Variants in SCARB2 observed in about 807,000 individuals in gnomAD.
The protein encoded by SCARB2 is lysosome membrane protein 2.
A neutral mutation model predicts 58.6 loss-of-function variants in SCARB2; 29 were observed. The ratio of observed to expected loss-of-function variants is 0.49; its 90% CI spans 0.37 to 0.67. SCARB2 has a LOEUF of 0.67. Ranked by LOEUF, SCARB2 falls within the 30% of genes least tolerant of loss-of-function variation. The pLI is 0.00. For synonymous variants in SCARB2, 195 were observed against 210.1 expected, an observed-to-expected ratio of 0.93 and a Z score of 0.62; for missense variants, 488 against 578.5, an observed-to-expected ratio of 0.84 and a Z score of 1.60.
At chr4:76,220,898 AG>A (rs1250518986) in intron 1 of SCARB2, among the ~76,000 whole-genome samples, 1 of 152,190 alleles carries the variant, frequency 6.6e-6, no homozygotes, top group Non-Finnish European at 1.5e-5. Context: ...CTGGGACCAC[AG>A]GGGTTTCTTC....
chr4:76,178,287 A>T (rs774846830), intron 4 of SCARB2, among the ~76,000 whole-genome samples: 37 of 152,236 alleles, frequency 2.4e-4, no homozygotes, highest in Non-Finnish European at 4.0e-4. Flanking sequence ...TAATAATAGG[A>T]GTGAACAATT....
chr4:76,226,148 G>A (rs1018518011), intron 1 of SCARB2, among the ~76,000 whole-genome samples: 5 of 152,128 alleles, frequency 3.3e-5, no homozygotes, highest in Non-Finnish European at 5.9e-5. Context: ...GAGTACATAC[G>A]GTGGGTCCAG....
chr4:76,213,656 C>G lies in SCARB2; in HGVS notation c.-113G>C. 1 of 795,870 alleles carries G rather than the reference C, an allele frequency of 1.3e-6. No homozygotes were observed. The highest frequency in any genetic ancestry group is 2.1e-6 in the Non-Finnish European group (1 of 485,298). 49.3% of individuals were successfully genotyped at this position (795,870 alleles called of 1,614,324 possible). ...ACCCGGGACCCTTCGGCGCCACGCC[C>G]ACGCCCTCCCGGCGCACGGTTCGTG... is the stretch of plus-strand genomic sequence containing the variant. On this transcript the variant is annotated 5_prime_UTR_variant, in exon 1 of 12. Coordinates refer to ENST00000264896, the MANE Select transcript of SCARB2 (RefSeq NM_005506.4).
intron 1 of SCARB2, among the ~76,000 whole-genome samples, chr4:76,209,623 T>C (rs1198407048): frequency 4.6e-5 from 7 of 152,190 alleles, no homozygotes; most frequent in Non-Finnish European, 7.3e-5. Flanking sequence ...CGATTCAGCC[T>C]CCCAAAGTGT....
chr4:76,167,498 C>T (rs57390122), intron 9 of SCARB2, among the ~76,000 whole-genome samples: 16,826 of 152,108 alleles, frequency 0.11, 3,016 homozygotes, highest in African/African-American at 0.38. Flanking sequence ...CCCCATGTGA[C>T]GTGCTTTATT....
At chr4:76,190,850 T>C (rs546395478) in intron 2 of SCARB2, among the ~76,000 whole-genome samples, 1 of 152,272 alleles carries the variant, frequency 6.6e-6, no homozygotes, top group African/African-American at 2.4e-5. Context: ...TTATGCTGTC[T>C]AATAGGGTAG....
At chr4:76,212,612 C>T (rs2109973115) in intron 1 of SCARB2, among the ~76,000 whole-genome samples, 1 of 152,260 alleles carries the variant, frequency 6.6e-6, no homozygotes, top group Middle Eastern at 3.4e-3. Flanking sequence ...AAAAAATGAT[C>T]CCAGTAATTC....
intron 7 of SCARB2, 63 bp downstream of exon 7, chr4:76,174,081 T>C: frequency 6.3e-7 from 1 of 1,597,656 alleles, no homozygotes; most frequent in South Asian, 1.1e-5. Flanking sequence ...ACATATTCTT[T>C]GTTGAACTCC....
At chr4:76,166,201 T>G (rs759472543) in intron 10 of SCARB2, 49 bp downstream of exon 10, 4 of 1,577,692 alleles carry the variant, frequency 2.5e-6, no homozygotes, top group Non-Finnish European at 3.5e-6. Flanking sequence ...CATAATGGAT[T>G]TTTTCTGAGT....
chr4:76,204,919 G>A (rs1732898635), intron 1 of SCARB2, among the ~76,000 whole-genome samples: 1 of 152,146 alleles, frequency 6.6e-6, no homozygotes, highest in Admixed American at 6.6e-5. Context: ...CCTTAAAATG[G>A]GAATTGTGGG....
chr4:76,165,199 T>C (rs902831560), intron 10 of SCARB2: 2 of 152,198 alleles, frequency 1.3e-5, no homozygotes, highest in African/African-American at 4.8e-5. Flanking sequence ...TCAGGAGCAA[T>C]TGCAAAGAGA....
chr4:76,213,366 G>A, intron 1 of SCARB2, 61 bp downstream of exon 1: 2 of 1,114,260 alleles, frequency 1.8e-6, no homozygotes, highest in Non-Finnish European at 2.7e-6. Flanking sequence ...AGATGTAGCA[G>A]CAGGGATGGG....
intron 7 of SCARB2, among the ~76,000 whole-genome samples, chr4:76,172,193 G>A (rs1732145599): frequency 6.8e-6 from 1 of 146,870 alleles, no homozygotes; most frequent in South Asian, 2.1e-4. Context: ...AAATACTTTT[G>A]TCAGTTGTAT....
intron 1 of SCARB2, 192 bp downstream of exon 1, chr4:76,213,235 C>T (rs1363519105): frequency 4.7e-6 from 3 of 642,004 alleles, no homozygotes; most frequent in Non-Finnish European, 8.6e-6. Flanking sequence ...GTAAAGGGAA[C>T]AGAGTCGGCT....
At chr4:76,205,170 T>A (rs751996997) in intron 1 of SCARB2, among the ~76,000 whole-genome samples, 1 of 151,826 alleles carries the variant, frequency 6.6e-6, no homozygotes, top group Non-Finnish European at 1.5e-5. Context: ...TACAAAAAAA[T>A]ATTTAAAAAT....
intron 1 of SCARB2, among the ~76,000 whole-genome samples, chr4:76,220,664 AGAC>A (rs1348127760): frequency 6.6e-6 from 1 of 152,212 alleles, no homozygotes; most frequent in African/African-American, 2.4e-5. Flanking sequence ...ACTACAGTGC[AGAC>A]TTCTTTTCTT....
upstream of SCARB2, among the ~76,000 whole-genome samples, chr4:76,215,741 A>T (rs950507219): frequency 2.0e-5 from 3 of 152,218 alleles, no homozygotes; most frequent in African/African-American, 7.2e-5. Context: ...TGCAGAGAAC[A>T]TGGGAAAGAC....
chr4:76,217,545 C>A, upstream of SCARB2: 1 of 454,294 alleles, frequency 2.2e-6, no homozygotes, highest in Admixed American at 3.7e-5. Flanking sequence ...GCCCATGTGC[C>A]TCACACAGGT....
intron 11 of SCARB2, 114 bp from the exon 12 acceptor site, chr4:76,161,865 G>A: frequency 2.1e-6 from 2 of 964,260 alleles, no homozygotes; most frequent in East Asian, 2.5e-5. Context: ...CTATAGGAAG[G>A]TGGCTCATCT....
Sources: gnomAD v4.1 joint callset for allele counts (sites outside exome capture counted in the v4.1 genomes callset) on GRCh38, gnomAD v4.1.1 for gene constraint, MANE v1.5 for transcripts, NCBI Gene and HGNC (gene_info 2026-07-23, HGNC 2026-07-21) for gene names.